The following PRKD1 variants were observed in gnomAD, a reference collection of about 807,000 sequenced individuals.
PRKD1 encodes protein kinase D1, also known as serine/threonine-protein kinase D1.
Under a neutral mutation model 95.9 loss-of-function variants are expected in PRKD1, and 63 were observed. The ratio of observed to expected loss-of-function variants is 0.66; its 90% CI spans 0.54 to 0.81. PRKD1 has a LOEUF of 0.81. Ranked by LOEUF, PRKD1 falls within the 30% of genes least tolerant of loss-of-function variation. The pLI, the probability that PRKD1 is intolerant of heterozygous loss-of-function variation, is 0.00. For synonymous variants in PRKD1, 425 were observed against 423.1 expected (o/e 1.00, Z -0.05); for missense variants, 1,048 against 1,165.3 (o/e 0.90, Z 1.47).
At chr14:29,608,128 T>C (rs1053699540) in intron 13 of PRKD1, among the ~76,000 whole-genome samples, 48 of 152,298 alleles carry the variant, frequency 3.2e-4, no homozygotes, top group African/African-American at 1.2e-3. Flanking sequence ...ATGCATCCAT[T>C]TTGCCAATCT....
At chr14:29,825,992 T>C (rs1891091644) in intron 1 of PRKD1, among the ~76,000 whole-genome samples, 1 of 151,564 alleles carries the variant, frequency 6.6e-6, no homozygotes, top group Non-Finnish European at 1.5e-5. Context: ...GAAAAGAAGT[T>C]ATGCAAAAAA....
In PRKD1 at chr14:29,599,101, G is replaced by T. The variant is rs1192400298; in HGVS notation, c.2092C>A (p.His698Asn). 6.2e-7 allele frequency: 1 copy of T among 1,613,642 alleles called. No individual in the cohort carries two copies. Among genetic ancestry groups the T allele is most frequent in the African/African-American group, 1.3e-5 (1 of 75,006 alleles). ...TQILVALRHLHFKNIVHCDLK... is the reference protein window; with the variant it reads ...TQILVALRHLNFKNIVHCDLK... ...TCACAGTGAACGATATTTTTAAAAT[G>T]AAGGTGCCGCAAAGCCACGAGTATC... is the stretch of plus-strand genomic sequence containing the variant. The change falls in exon 15 of 18, where the codon CAT (histidine) becomes AAT (asparagine). Residue 698 changes from histidine to asparagine, a missense_variant. Physicochemically the swap from His to Asn is moderately conservative, Grantham distance 68. Around this residue, in one of 3 missense-constraint regions of PRKD1, gnomAD observed 739 missense variants for 861.9 expected, o/e 0.86. Coordinates refer to ENST00000331968, the MANE Select transcript of PRKD1 (RefSeq NM_002742.3).
chr14:29,597,535 G>A lies in PRKD1; in HGVS notation c.2390C>T (p.Ala797Val). ...CCAGGGATTTGGTGGATACATGAAA[G>A]CTGCATTCTGAATTTGGTCGTGTAT... is the stretch of plus-strand genomic sequence containing the variant. Reference protein sequence around the residue: ...EDIHDQIQNAAFMYPPNPWKE... With the variant: ...EDIHDQIQNAVFMYPPNPWKE... The change falls in exon 16 of 18, where the codon GCT (alanine) becomes GTT (valine). Residue 797 changes from alanine to valine, a missense_variant. Transcript: ENST00000331968. 1 of 1,613,238 alleles carries A rather than the reference G, an allele frequency of 6.2e-7. No homozygotes were observed. The highest frequency in any genetic ancestry group is 8.5e-7 in the Non-Finnish European group (1 of 1,179,266).
chr14:29,911,303 CAA>C (rs1894704375), intron 1 of PRKD1, among the ~76,000 whole-genome samples: 1 of 152,116 alleles, frequency 6.6e-6, no homozygotes, highest in Admixed American at 6.5e-5. Flanking sequence ...CATAATTCTT[CAA>C]AGATTGTTGA....
At chr14:29,702,236 G>A (rs1048404561) in intron 2 of PRKD1, among the ~76,000 whole-genome samples, 1 of 152,078 alleles carries the variant, frequency 6.6e-6, no homozygotes, top group Non-Finnish European at 1.5e-5. Context: ...TTGCGTGTAA[G>A]AGCTTTTAAG....
intron 4 of PRKD1, among the ~76,000 whole-genome samples, chr14:29,645,683 G>A (rs1431142552): frequency 6.6e-6 from 1 of 152,012 alleles, no homozygotes; most frequent in African/African-American, 2.4e-5. Context: ...AATTCTCTGT[G>A]CCCAATTAGT....
chr14:29,805,283 T>C (rs1890189914), intron 1 of PRKD1, among the ~76,000 whole-genome samples: 1 of 152,198 alleles, frequency 6.6e-6, no homozygotes, highest in South Asian at 2.1e-4. Flanking sequence ...TGAGGGATAC[T>C]AAGAGGTATT....
intron 1 of PRKD1, among the ~76,000 whole-genome samples, chr14:29,743,141 G>A (rs149236783): frequency 1.2e-4 from 19 of 152,228 alleles, no homozygotes; most frequent in African/African-American, 4.3e-4. Flanking sequence ...TTTAAAAAAG[G>A]GCAGAACAAA....
At chr14:29,641,663 G>A (rs986398297) in intron 4 of PRKD1, among the ~76,000 whole-genome samples, 2 of 152,066 alleles carry the variant, frequency 1.3e-5, no homozygotes, top group Non-Finnish European at 2.9e-5. Context: ...AAAAAAGTAA[G>A]ACTGGGTCAT....
chr14:29,722,006 C>G lies in PRKD1; in HGVS notation c.403+3530G>C, dbSNP rs527505251. On this transcript the variant is annotated intron_variant, in intron 2 of 17. Coordinates refer to ENST00000331968, the MANE Select transcript of PRKD1 (RefSeq NM_002742.3). ...GTTAAAAGATGATGAAAAGTCTGAG[C>G]AGAAAATGATATAAGCAAAGAAAAA... 2.0e-5 allele frequency among the ~76,000 whole-genome samples: 3 copies of G among 149,978 alleles called. No homozygotes were observed. In the East Asian group the frequency reaches 5.9e-4, roughly 29 times the overall value.
At chr14:29,726,787 T>TAAA (rs796753846) in intron 1 of PRKD1, among the ~76,000 whole-genome samples, 1 of 141,290 alleles carries the variant, frequency 7.1e-6, no homozygotes, top group African/African-American at 2.6e-5. Context: ...TTAACTTCCT[T>TAAA]AAAAAAAAAA....
chr14:29,639,338 A>G (rs1880599985), intron 4 of PRKD1, among the ~76,000 whole-genome samples: 1 of 152,130 alleles, frequency 6.6e-6, no homozygotes, highest in South Asian at 2.1e-4. Flanking sequence ...TTTGCCCTAC[A>G]TGGTACTTCA....
chr14:29,673,094 T>C (rs540098291), intron 2 of PRKD1, among the ~76,000 whole-genome samples: 6 of 152,264 alleles, frequency 3.9e-5, no homozygotes, highest in Admixed American at 3.9e-4. Context: ...AACATCTGCT[T>C]TAGAAGCAGC....
chr14:29,714,659 A>G (rs902882343), intron 2 of PRKD1, among the ~76,000 whole-genome samples: 2 of 152,160 alleles, frequency 1.3e-5, no homozygotes, highest in African/African-American at 2.4e-5. Context: ...ACATGCACAC[A>G]TATGTTTATT....
At chr14:29,777,642 A>T (rs749761796) in intron 1 of PRKD1, among the ~76,000 whole-genome samples, 2 of 152,222 alleles carry the variant, frequency 1.3e-5, no homozygotes, top group Non-Finnish European at 2.9e-5. Flanking sequence ...AGATTCATAA[A>T]GCAAGTCCTT....
intron 1 of PRKD1, among the ~76,000 whole-genome samples, chr14:29,856,072 T>G (rs1343128235): frequency 1.3e-5 from 2 of 152,150 alleles, no homozygotes; most frequent in African/African-American, 4.8e-5. Context: ...CACTAGAACA[T>G]ATGCATCTGG....
chr14:29,603,122 C>T (rs1279683990), intron 13 of PRKD1, among the ~76,000 whole-genome samples: 2 of 152,130 alleles, frequency 1.3e-5, no homozygotes. Context: ...AAAAAGAAGT[C>T]TTAGAAGTTT....
chr14:29,898,598 C>G (rs1894212212), intron 1 of PRKD1, among the ~76,000 whole-genome samples: 1 of 152,148 alleles, frequency 6.6e-6, no homozygotes, highest in Non-Finnish European at 1.5e-5. Context: ...CAACTTAAAG[C>G]AAATCATCAG....
intron 6 of PRKD1, 78 bp from the exon 7 acceptor site, chr14:29,636,572 A>T: frequency 7.0e-7 from 1 of 1,429,050 alleles, no homozygotes; most frequent in Middle Eastern, 1.8e-4. Flanking sequence ...GGTGATCCTA[A>T]AACAAATCAA....
Sources: gnomAD v4.1 joint callset for allele counts (sites outside exome capture counted in the v4.1 genomes callset) on GRCh38, gnomAD v4.1.1 for gene constraint, gnomAD v4.1.1 regional missense constraint, MANE v1.5 for transcripts, NCBI Gene and HGNC (gene_info 2026-07-23, HGNC 2026-07-21) for gene names.